Variants in CCDC92B observed in about 807,000 individuals in gnomAD.
The protein encoded by CCDC92B is coiled-coil domain-containing 92B.
A neutral mutation model predicts 5.6 loss-of-function variants in CCDC92B; 2 were observed. The observed-to-expected ratio is 0.36, with a 90% CI of 0.15 to 1.12. The LOEUF is 1.12. CCDC92B is among the 50% of genes most tolerant of loss of function. The pLI, the probability that CCDC92B is intolerant of heterozygous loss-of-function variation, is 0.40. For synonymous variants in CCDC92B, 115 were observed against 122.3 expected (o/e 0.94, Z 0.39); for missense variants, 271 against 262.2 (o/e 1.03, Z -0.23).
chr17:2,736,466 G>A (rs2070858861), intron 1 of CCDC92B, among the ~76,000 whole-genome samples: 1 of 151,512 alleles, frequency 6.6e-6, no homozygotes, highest in South Asian at 2.1e-4. Context: ...AAAGAAATAG[G>A]CCAGCCGTGG....
chr17:2,723,748 C>G lies in CCDC92B; in HGVS notation c.*663G>C, dbSNP rs2070686404. On this transcript the variant is annotated 3_prime_UTR_variant, in exon 4 of 4. Transcript: ENST00000614400. ...CGGCTCTAGACCAAGTCCGGCCAAC[C>G]AGGCGGTTCTGTAATCCTCTCCCAG... 1 of 165,694 alleles carries G rather than the reference C, an allele frequency of 6.0e-6. No homozygotes were observed. The highest frequency in any genetic ancestry group is 1.2e-5 in the Non-Finnish European group (1 of 80,382). 10.3% of individuals were successfully genotyped at this position (165,694 alleles called of 1,614,324 possible).
In CCDC92B at chr17:2,724,908, C is replaced by T; in HGVS notation, c.271G>A (p.Val91Met). 11 of 985,310 alleles carry T rather than the reference C, an allele frequency of 1.1e-5. No homozygotes were observed. Among genetic ancestry groups the T allele is most frequent in the Non-Finnish European group, 1.3e-5 (11 of 829,870 alleles). 61.0% of individuals were successfully genotyped at this position (985,310 alleles called of 1,614,324 possible). A position where few individuals can be genotyped will look rare whatever the true frequency, so the allele number is the denominator to read the frequency against. The change falls in exon 4 of 4, where the codon GTG becomes ATG. Residue 91 changes from valine to methionine, a missense_variant. Coordinates refer to ENST00000614400, the MANE Select transcript of CCDC92B (RefSeq NM_001355573.2). This position sits in a 1 kb window ranked among gnomAD's most constrained non-coding sequence, Gnocchi z 5.0. ...GACACCAGCGCCTCGCGCTGCGCCA[C>T]CTCCCGCCGCAGCTCCGCGTTGGCC... ...AAANAELRRE[V>M]AQREALVSAL...
In CCDC92B at chr17:2,724,441, G is replaced by C. The variant is rs1032209657; in HGVS notation, c.738C>G (p.Ser246Arg). 1.1e-5 allele frequency: 11 copies of C among 984,180 alleles called. No homozygotes were observed. The highest frequency in any genetic ancestry group is 1.3e-5 in the Non-Finnish European group (11 of 829,604). 61.0% of individuals were successfully genotyped at this position (984,180 alleles called of 1,614,324 possible). Residue 246 changes from serine (S) to arginine (R), a missense_variant, in exon 4 of 4, where the codon AGC (serine) becomes AGG (arginine). Ser to Arg is a moderately radical substitution (Grantham distance 110, BLOSUM62 -1). Coordinates refer to ENST00000614400, the MANE Select transcript of CCDC92B (RefSeq NM_001355573.2). This position sits in a 1 kb window ranked among gnomAD's most constrained non-coding sequence, Gnocchi z 5.0. ...CCGGGTCCCCGGGCGCGCTGGGCTGGCTGGGCGCGGGCTGCGGGCCGGCTC... is the reference window on the plus strand; with the variant it reads ...CCGGGTCCCCGGGCGCGCTGGGCTGCCTGGGCGCGGGCTGCGGGCCGGCTC... ...PDRAGPQPAP[S>R]QPSAPGDPE is the part of the protein sequence containing the mutation.
At chr17:2,748,892 C>T (rs183760864) in intron 1 of CCDC92B, among the ~76,000 whole-genome samples, 2 of 152,248 alleles carry the variant, frequency 1.3e-5, no homozygotes, top group African/African-American at 4.8e-5. Context: ...GGAGCCCCTC[C>T]CCGCCGAACC....
intron 1 of CCDC92B, chr17:2,748,012 T>A: frequency 4.6e-6 from 2 of 431,234 alleles, no homozygotes; most frequent in South Asian, 3.5e-5. Context: ...AGTAGTTTGC[T>A]CAGTATCTGC....
rs973396879 is a variant in CCDC92B at position 2,724,828 on chromosome 17, G to C, written c.351C>G (p.Arg117=). The C allele has an allele frequency of 4.1e-6, 4 of 984,958 alleles. No individual in the cohort carries two copies. The highest frequency in any genetic ancestry group is 4.8e-6 in the Non-Finnish European group (4 of 829,800). The allele number at this position is 984,958 out of a possible 1,614,324, so 61.0% of individuals were successfully genotyped here. Residue 117 remains arginine, a synonymous_variant, in exon 4 of 4, where the codon CGC becomes CGG. Transcript: ENST00000614400. The surrounding 1 kb of genome is among the most constrained non-coding windows in gnomAD (Gnocchi z 5.0). The stretch of plus-strand genomic sequence containing the variant: ...GCACGGTGGCGCGGTGGCTGCGGCG[G>C]CGCAGCTCCTCCAGGAAGCGGCGCT... The part of the protein sequence containing the change: ...TEERRFLEEL[R]RRSHRATVLG...
At chr17:2,747,017 T>C (rs925048751) in intron 1 of CCDC92B, among the ~76,000 whole-genome samples, 4 of 152,130 alleles carry the variant, frequency 2.6e-5, no homozygotes, top group African/African-American at 9.7e-5. Context: ...CAATATTTCC[T>C]TGGGTATCTA....
chr17:2,728,588 GC>G (rs1262906096), intron 3 of CCDC92B, among the ~76,000 whole-genome samples: 8 of 148,254 alleles, frequency 5.4e-5, no homozygotes, highest in African/African-American at 2.0e-4. Context: ...GGGCGACAGA[GC>G]GAGACTCCGT....
rs962318646 is a variant in CCDC92B at position 2,723,957 on chromosome 17, G to T, written c.*454C>A. On this transcript the variant is annotated 3_prime_UTR_variant, in exon 4 of 4. Coordinates refer to ENST00000614400, the MANE Select transcript of CCDC92B (RefSeq NM_001355573.2). The stretch of plus-strand genomic sequence containing the variant: ...AGGAAGAAGGCTTGGCGGGAAGGGC[G>T]TCGGCGCGGGGGTGGGGGAGGCGGG... The T allele has an allele frequency of 1.0e-6, 1 of 980,046 alleles. No homozygotes were observed. Among genetic ancestry groups the T allele is most frequent in the African/African-American group, 1.8e-5 (1 of 56,304 alleles). 60.7% of individuals were successfully genotyped at this position (980,046 alleles called of 1,614,324 possible).
rs558394801 is a variant in CCDC92B at position 2,722,722 on chromosome 17, C to T, written c.*1689G>A. On this transcript the variant is annotated 3_prime_UTR_variant, in exon 4 of 4. Transcript: ENST00000614400. Reference sequence around the variant, plus strand: ...TGCGTGACAGAATGTGTGGCCTCAGCCAGGGTCAGGACCTGTCAGGAAAGG... The same window carrying T: ...TGCGTGACAGAATGTGTGGCCTCAGTCAGGGTCAGGACCTGTCAGGAAAGG... The T allele has an allele frequency of 1.3e-5, 2 of 152,432 alleles. No individual in the cohort carries two copies. The highest frequency in any genetic ancestry group is 2.4e-5 in the African/African-American group (1 of 41,562). The allele number at this position is 152,432 out of a possible 1,614,324, so 9.4% of individuals were successfully genotyped here.
rs1392609578 is a variant in CCDC92B at position 2,724,507 on chromosome 17, G to GAC, written c.671_672insGT (p.Arg225SerfsTer172). On this transcript the variant is annotated frameshift_variant, in exon 4 of 4. Transcript: ENST00000614400. LOFTEE classifies it low-confidence loss of function (END_TRUNC). The surrounding 1 kb of genome is among the most constrained non-coding windows in gnomAD (Gnocchi z 5.0). ...GGGGAGGCGGCTGGCGCGGGCTGCG[G>GAC]GCGCTGGGCCGCAGCGGCCTGCGTG... The GAC allele has an allele frequency of 7.1e-6, 7 of 980,938 alleles. No homozygotes were observed. The highest frequency in any genetic ancestry group is 8.5e-6 in the Non-Finnish European group (7 of 827,134). 60.8% of individuals were successfully genotyped at this position (980,938 alleles called of 1,614,324 possible).
At chr17:2,748,439 T>A in intron 1 of CCDC92B, 1 of 964,842 alleles carries the variant, frequency 1.0e-6, no homozygotes, top group Non-Finnish European at 1.2e-6. Flanking sequence ...GTTCTGTGTG[T>A]GTGTGTGTGT....
intron 1 of CCDC92B, among the ~76,000 whole-genome samples, chr17:2,739,449 G>A (rs2070900276): frequency 6.6e-6 from 1 of 151,690 alleles, no homozygotes; most frequent in Non-Finnish European, 1.5e-5. Flanking sequence ...GGGAGGCAGA[G>A]GCAGGCAGAT....
intron 1 of CCDC92B, among the ~76,000 whole-genome samples, chr17:2,745,719 G>A (rs1308498970): frequency 9.9e-5 from 15 of 152,086 alleles, no homozygotes; most frequent in South Asian, 2.1e-4. Flanking sequence ...GGAACATCTG[G>A]CCTTCAGAAG....
Position 2,724,276 on chromosome 17 carries a change from G to A in CCDC92B, c.*135C>T, listed in dbSNP as rs2070697066. On this transcript the variant is annotated 3_prime_UTR_variant, in exon 4 of 4. Transcript: ENST00000614400. This position sits in a 1 kb window ranked among gnomAD's most constrained non-coding sequence, Gnocchi z 5.0. ...GGCTGGCGGTTCGGGGATTTGGGGG[G>A]AGCCGGGGCCGCCTCGCCCCGCTTC... 1 of 985,228 alleles carries A rather than the reference G, an allele frequency of 1.0e-6. No individual in the cohort carries two copies. Among genetic ancestry groups the A allele is most frequent in the Non-Finnish European group, 1.2e-6 (1 of 829,902 alleles). 61.0% of individuals were successfully genotyped at this position (985,228 alleles called of 1,614,324 possible).
chr17:2,734,208 T>C (rs2151741151), intron 2 of CCDC92B, among the ~76,000 whole-genome samples: 1 of 152,238 alleles, frequency 6.6e-6, no homozygotes, highest in East Asian at 1.9e-4. Context: ...TCTCCTGTGA[T>C]ATCTTGGCAT....
chr17:2,730,354 G>T, intron 3 of CCDC92B, 92 bp downstream of exon 3: 1 of 708,070 alleles, frequency 1.4e-6, no homozygotes, highest in Non-Finnish European at 1.7e-6. Context: ...GTCTAGGCTG[G>T]GGACAGAGAA....
chr17:2,723,005 C>G lies in CCDC92B; in HGVS notation c.*1406G>C, dbSNP rs151175957. On this transcript the variant is annotated 3_prime_UTR_variant, in exon 4 of 4. Transcript: ENST00000614400. ...AGGAGGTGGGGCTTTCCCCTTTCCA[C>G]GTCGCCATTCCCCAGGCTAGACAGC... 1 of 152,436 alleles carries G rather than the reference C, an allele frequency of 6.6e-6. No homozygotes were observed. The highest frequency in any genetic ancestry group is 2.4e-5 in the African/African-American group (1 of 41,442). The allele number at this position is 152,436 out of a possible 1,614,324, so 9.4% of individuals were successfully genotyped here.
chr17:2,741,040 G>T (rs148369834), intron 1 of CCDC92B, among the ~76,000 whole-genome samples: 50 of 142,818 alleles, frequency 3.5e-4, no homozygotes, highest in African/African-American at 1.0e-3. Flanking sequence ...AATGTATGTT[G>T]TTTTAAGCCA....
Sources: gnomAD v4.1 joint callset for allele counts (sites outside exome capture counted in the v4.1 genomes callset) on GRCh38, gnomAD v4.1.1 for gene constraint, Gnocchi (gnomAD v3.1) non-coding constraint, MANE v1.5 for transcripts, NCBI Gene and HGNC (gene_info 2026-07-23, HGNC 2026-07-21) for gene names.